MICOS10: variants seen among roughly 807,000 people sequenced by gnomAD.
MICOS10 encodes MICOS complex subunit MIC10.
In MICOS10, 5 loss-of-function variants were observed where a neutral mutation model predicts 13.4. That is an observed-to-expected ratio of 0.37 (90% CI 0.20 to 0.78). The LOEUF is 0.78. MICOS10 is among the 30% of genes least tolerant of loss of function. The probability of loss-of-function intolerance (pLI) is 0.47; values close to 1 mark genes in which losing one functional copy is unlikely to be tolerated. For synonymous variants in MICOS10, 35 were observed against 33.6 expected (o/e 1.04, Z -0.15); for missense variants, 101 against 94.6 (o/e 1.07, Z -0.28).
chr1:19,620,865 C>T (rs563853465), intron 1 of MICOS10, among the ~76,000 whole-genome samples: 1 of 152,186 alleles, frequency 6.6e-6, no homozygotes, highest in African/African-American at 2.4e-5. Flanking sequence ...ATAGAAGAGA[C>T]AGGCATGGAG....
chr1:19,612,260 G>A (rs1353921451), intron 1 of MICOS10, among the ~76,000 whole-genome samples: 1 of 150,098 alleles, frequency 6.7e-6, no homozygotes, highest in Admixed American at 6.6e-5. Context: ...GTTTCACCAT[G>A]TTAGCCAGGA....
chr1:19,623,449 G>A (rs2094911379), intron 2 of MICOS10, 25 bp from the exon 3 acceptor site: 2 of 1,447,362 alleles, frequency 1.4e-6, no homozygotes, highest in African/African-American at 2.8e-5. Context: ...TTCCCTATTG[G>A]GATTTTCCCT....
chr1:19,603,465 G>A (rs1246757618), intron 1 of MICOS10, among the ~76,000 whole-genome samples: 3 of 152,242 alleles, frequency 2.0e-5, no homozygotes. Flanking sequence ...TGTTGCTTGT[G>A]TGACAGTGGC....
rs2094927498 is a variant in MICOS10, at chr1:19,628,063, C to T, written c.*1662C>T. Reference sequence around the variant, plus strand: ...TGTGCAGCCTGTTTCATCCCTTCCACTTGTTTTCTTACTATTTATTTATTT... The same window carrying T: ...TGTGCAGCCTGTTTCATCCCTTCCATTTGTTTTCTTACTATTTATTTATTT... On this transcript the variant is annotated 3_prime_UTR_variant, in exon 4 of 4. Transcript: ENST00000322753. 6.7e-6 allele frequency: 1 copy of T among 148,788 alleles called. No homozygotes were observed. Among genetic ancestry groups the T allele is most frequent in the African/African-American group, 2.6e-5 (1 of 38,102 alleles). The allele number at this position is 148,788 out of a possible 1,614,324, so 9.2% of individuals were successfully genotyped here.
At chr1:19,605,477 A>G (rs946499953) in intron 1 of MICOS10, among the ~76,000 whole-genome samples, 4 of 152,094 alleles carry the variant, frequency 2.6e-5, no homozygotes, top group Non-Finnish European at 5.9e-5. Context: ...GGAGTCTCCT[A>G]TGCTGGACAT....
intron 1 of MICOS10, among the ~76,000 whole-genome samples, chr1:19,601,587 A>AAAG (rs2094815344): frequency 6.6e-6 from 1 of 151,830 alleles, no homozygotes. Flanking sequence ...AAAAAAAAAA[A>AAAG]AAAAGAAAAG....
At chr1:19,604,619 A>C (rs2100254064) in intron 1 of MICOS10, among the ~76,000 whole-genome samples, 1 of 152,268 alleles carries the variant, frequency 6.6e-6, no homozygotes, top group East Asian at 1.9e-4. Flanking sequence ...GGTGGGTCTT[A>C]TTGTGGGTCG....
At chr1:19,601,272 T>G in intron 1 of MICOS10, 1 of 316,404 alleles carries the variant, frequency 3.2e-6, no homozygotes, top group Non-Finnish European at 6.3e-6. Flanking sequence ...TTGCCCCCAT[T>G]ACTATCTTAA....
intron 1 of MICOS10, among the ~76,000 whole-genome samples, chr1:19,614,955 C>T (rs2094878105): frequency 6.6e-6 from 1 of 152,200 alleles, no homozygotes; most frequent in African/African-American, 2.4e-5. Flanking sequence ...GCGTTCCCGT[C>T]TCCACAAACT....
chr1:19,611,939 T>C (rs1236417748), intron 1 of MICOS10, among the ~76,000 whole-genome samples: 1 of 146,150 alleles, frequency 6.8e-6, no homozygotes, highest in Non-Finnish European at 1.5e-5. Flanking sequence ...GCCAGTGTAT[T>C]GTAGTCTGGT....
chr1:19,597,199 C>A, intron 1 of MICOS10, 90 bp downstream of exon 1: 1 of 1,394,900 alleles, frequency 7.2e-7, no homozygotes, highest in Non-Finnish European at 9.8e-7. Flanking sequence ...GGAAGCCCCA[C>A]GGGAGGTCAG....
Position 19,629,379 on chromosome 1 carries a change from A to G in MICOS10, c.*2978A>G, listed in dbSNP as rs2094931567. On this transcript the variant is annotated 3_prime_UTR_variant, in exon 4 of 4. Transcript: ENST00000322753. The stretch of plus-strand genomic sequence containing the variant: ...GCTCTGCCAACATACATAAATACAT[A>G]CAGTCTGAGCTTGACACTGTATAAT... 1 of 152,344 alleles carries G rather than the reference A, an allele frequency of 6.6e-6. No individual in the cohort carries two copies. The highest frequency in any genetic ancestry group is 3.4e-3 in the Middle Eastern group (1 of 294). The allele number at this position is 152,344 out of a possible 1,614,324, so 9.4% of individuals were successfully genotyped here.
intron 1 of MICOS10, among the ~76,000 whole-genome samples, chr1:19,614,920 C>G (rs1157231620): frequency 6.6e-6 from 1 of 152,192 alleles, no homozygotes; most frequent in Admixed American, 6.5e-5. Flanking sequence ...CTGCACAGCC[C>G]TGCTTTTCTG....
intron 1 of MICOS10, among the ~76,000 whole-genome samples, chr1:19,621,369 T>C (rs2094902718): frequency 6.6e-6 from 1 of 152,168 alleles, no homozygotes; most frequent in African/African-American, 2.4e-5. Context: ...CACAGTCATA[T>C]TTTGGCTGTA....
At chr1:19,624,302 G>A (rs1043053714) in intron 3 of MICOS10, among the ~76,000 whole-genome samples, 7 of 151,858 alleles carry the variant, frequency 4.6e-5, no homozygotes, top group Non-Finnish European at 1.0e-4. Context: ...TATTTATTTT[G>A]TGGGGATGGA....
intron 1 of MICOS10, among the ~76,000 whole-genome samples, chr1:19,599,199 G>T (rs1248609812): frequency 1.3e-5 from 2 of 152,072 alleles, no homozygotes; most frequent in African/African-American, 4.8e-5. Context: ...TGGGACTATA[G>T]GTGTGTGCCA....
intron 1 of MICOS10, among the ~76,000 whole-genome samples, chr1:19,621,735 C>T (rs1188273487): frequency 6.6e-6 from 1 of 152,176 alleles, no homozygotes; most frequent in Non-Finnish European, 1.5e-5. Flanking sequence ...TTGGCACTAT[C>T]TCATGTTTTG....
chr1:19,608,328 A>G (rs762156983), intron 1 of MICOS10: 30 of 1,310,214 alleles, frequency 2.3e-5, no homozygotes, highest in Non-Finnish European at 3.2e-5. Flanking sequence ...TCCTCGCCAT[A>G]TGCTGCTATG....
At chr1:19,603,261 T>C (rs1046471481) in intron 1 of MICOS10, among the ~76,000 whole-genome samples, 1 of 151,798 alleles carries the variant, frequency 6.6e-6, no homozygotes, top group Non-Finnish European at 1.5e-5. Context: ...ACCCGGGAGG[T>C]AGAGGTTGCA....
Sources: gnomAD v4.1 joint callset for allele counts (sites outside exome capture counted in the v4.1 genomes callset) on GRCh38, gnomAD v4.1.1 for gene constraint, MANE v1.5 for transcripts, NCBI Gene and HGNC (gene_info 2026-07-23, HGNC 2026-07-21) for gene names.